ANK3: variants seen among roughly 807,000 people sequenced by gnomAD.
The protein encoded by ANK3 is ankyrin-3.
In ANK3, 57 loss-of-function variants were observed where a neutral mutation model predicts 370.9. The ratio of observed to expected loss-of-function variants is 0.15; its 90% confidence interval spans 0.12 to 0.19. The LOEUF is 0.19. Among genes scored for constraint, ANK3 ranks in the 10% least tolerant of loss-of-function variants. The pLI is 1.00. For synonymous variants in ANK3, 1,929 were observed against 1,946.3 expected (o/e 0.99, Z 0.23); for missense variants, 4,439 against 5,302.1 (o/e 0.84, Z 5.06).
At chr10:60,340,631 C>T (rs575341614) in intron 1 of ANK3, among the ~76,000 whole-genome samples, 17 of 152,150 alleles carry the variant, frequency 1.1e-4, no homozygotes, top group Admixed American at 1.0e-3. Context: ...ATGCTGGTCT[C>T]GAACTCCTGG....
intron 1 of ANK3, among the ~76,000 whole-genome samples, chr10:60,344,962 C>G (rs546174528): frequency 3.3e-5 from 5 of 152,284 alleles, no homozygotes; most frequent in African/African-American, 1.2e-4. Flanking sequence ...GCTAACAGAA[C>G]TTCTGACATT....
chr10:60,482,123 A>G (rs1384994863), intron 2 of ANK3, among the ~76,000 whole-genome samples: 1 of 152,002 alleles, frequency 6.6e-6, no homozygotes, highest in African/African-American at 2.4e-5. Context: ...GCCTTCTGTC[A>G]TCTCCTGTTG....
intron 1 of ANK3, among the ~76,000 whole-genome samples, chr10:60,674,758 T>C (rs1001941423): frequency 1.1e-4 from 16 of 152,240 alleles, no homozygotes; most frequent in Admixed American, 3.3e-4. Context: ...GTAACCACTG[T>C]TCTGATTTAT....
chr10:60,581,349 C>G (rs1031383560), intron 2 of ANK3, among the ~76,000 whole-genome samples: 2 of 151,726 alleles, frequency 1.3e-5, no homozygotes, highest in African/African-American at 4.8e-5. Flanking sequence ...GGGTACCAAG[C>G]ATCTTTACAC....
intron 11 of ANK3, among the ~76,000 whole-genome samples, chr10:60,204,311 T>C (rs1382509169): frequency 6.6e-6 from 1 of 152,184 alleles, no homozygotes; most frequent in Non-Finnish European, 1.5e-5. Context: ...GAGAGCTGGA[T>C]TACTGGTTGA....
At chr10:60,558,667 A>G (rs143090820) in intron 2 of ANK3, among the ~76,000 whole-genome samples, 21 of 152,354 alleles carry the variant, frequency 1.4e-4, no homozygotes, top group African/African-American at 4.8e-4. Context: ...CCTATCTAAC[A>G]TGTATCATCA....
chr10:60,173,852 A>G (rs943335781), intron 18 of ANK3, among the ~76,000 whole-genome samples: 8 of 152,192 alleles, frequency 5.3e-5, no homozygotes, highest in South Asian at 2.1e-4. Context: ...CTGAGGGGCT[A>G]TAAGTTCTCT....
intron 2 of ANK3, chr10:60,572,594 C>T (rs1280495146): frequency 4.6e-6 from 7 of 1,522,458 alleles, no homozygotes; most frequent in African/African-American, 2.8e-5. Context: ...TCCAAAACCA[C>T]GGCAAAGAGT....
At chr10:60,423,510 A>C (rs185329266) in intron 2 of ANK3, among the ~76,000 whole-genome samples, 13 of 152,070 alleles carry the variant, frequency 8.5e-5, no homozygotes, top group African/African-American at 3.1e-4. Flanking sequence ...CAGAACATCT[A>C]GAATAGTATC....
At chr10:60,044,599 A>C (rs568909286) in intron 42 of ANK3, 2 of 152,634 alleles carry the variant, frequency 1.3e-5, no homozygotes, top group Non-Finnish European at 2.9e-5. Context: ...TTGAAAATAC[A>C]TAATTATAGG....
chr10:60,127,421 C>G (rs1269462854), intron 25 of ANK3, among the ~76,000 whole-genome samples: 2 of 152,122 alleles, frequency 1.3e-5, no homozygotes, highest in African/African-American at 4.8e-5. Context: ...TGTATGCAGG[C>G]AAAACCAACC....
At chr10:60,094,819 A>C (rs2089733937) in intron 28 of ANK3, among the ~76,000 whole-genome samples, 1 of 152,256 alleles carries the variant, frequency 6.6e-6, no homozygotes, top group Non-Finnish European at 1.5e-5. Context: ...CTGACCATTA[A>C]TAGGATTAGC....
intron 7 of ANK3, among the ~76,000 whole-genome samples, chr10:60,240,028 T>TATATATACAC (rs1565911327): frequency 1.5e-4 from 13 of 84,096 alleles, no homozygotes; most frequent in African/African-American, 4.7e-4. Context: ...TATATACACA[T>TATATATACAC]ATATATACAC....
At chr10:60,630,835 T>C (rs940903248) in intron 1 of ANK3, among the ~76,000 whole-genome samples, 2 of 152,162 alleles carry the variant, frequency 1.3e-5, no homozygotes, top group Admixed American at 1.3e-4. Flanking sequence ...ACCCTGTTTT[T>C]ATGACTGTGT....
intron 2 of ANK3, among the ~76,000 whole-genome samples, chr10:60,463,789 A>G (rs1041947323): frequency 5.9e-5 from 9 of 151,586 alleles, no homozygotes; most frequent in South Asian, 2.1e-4. Context: ...CTTAAATTTC[A>G]TGAACAAATA....
At position 60,492,420 on chromosome 10, in the gene ANK3, C is replaced by T. The variant is rs117777861; in HGVS notation, c.96+122766G>A. 9.2e-3 allele frequency among the ~76,000 whole-genome samples: 1,399 copies of T among 152,066 alleles called. 10 individuals are homozygous for T. Among genetic ancestry groups the T allele is most frequent in the Non-Finnish European group, 0.015 (1,040 of 67,986 alleles). Reference sequence around the variant, plus strand: ...AGGATAGACACTGTCAGAAATGGCACCGTGGGGCTGGGCACAGTGGCTCAC... The same window carrying T: ...AGGATAGACACTGTCAGAAATGGCATCGTGGGGCTGGGCACAGTGGCTCAC... On this transcript the variant is annotated intron_variant, in intron 2 of 43. Transcript: ENST00000373827.
At chr10:60,100,922 AAAAAAT>A (rs1237079505) in intron 28 of ANK3, among the ~76,000 whole-genome samples, 1 of 152,214 alleles carries the variant, frequency 6.6e-6, no homozygotes, top group African/African-American at 2.4e-5. Flanking sequence ...TAGCCACACT[AAAAAAT>A]AAAAATAAAC....
rs10761467 is a variant in ANK3 at position 60,214,675 on chromosome 10, G to A, written c.898-1165C>T. On this transcript the variant is annotated intron_variant, in intron 8 of 43. Coordinates refer to ENST00000280772, the MANE Select transcript of ANK3 (RefSeq NM_020987.5). ...TGGCTTCCGGCTTCATCCATGTCCC[G>A]GCGAAGGACATGATCTCATTCTCTT... is the stretch of plus-strand genomic sequence containing the variant. Among the ~76,000 whole-genome samples, 6 of 151,976 alleles carry A rather than the reference G, an allele frequency of 3.9e-5. No homozygotes were observed. The South Asian group carries it at 1.0e-3, about 26-fold the overall frequency.
chr10:60,580,618 A>G (rs1057324469), intron 2 of ANK3, among the ~76,000 whole-genome samples: 28 of 152,344 alleles, frequency 1.8e-4, no homozygotes, highest in African/African-American at 6.7e-4. Flanking sequence ...AAATCTCTCC[A>G]AATAATTAAC....
Sources: gnomAD v4.1 joint callset for allele counts (sites outside exome capture counted in the v4.1 genomes callset) on GRCh38, gnomAD v4.1.1 for gene constraint, MANE v1.5 for transcripts, NCBI Gene and HGNC (gene_info 2026-07-23, HGNC 2026-07-21) for gene names.